ABRAXAS2: variants seen among roughly 807,000 people sequenced by gnomAD.
ABRAXAS2 encodes BRISC complex subunit Abraxas 2.
A neutral mutation model predicts 49.0 loss-of-function variants in ABRAXAS2; 23 were observed. The ratio of observed to expected loss-of-function variants is 0.47; its 90% CI spans 0.34 to 0.66. The LOEUF is 0.66. ABRAXAS2 is among the 30% of genes least tolerant of loss of function. The pLI is 0.01. For synonymous variants in ABRAXAS2, 168 were observed against 180.2 expected, an observed-to-expected ratio of 0.93 and a Z score of 0.54; for missense variants, 443 against 511.9, an observed-to-expected ratio of 0.87 and a Z score of 1.30.
chr10:124,831,328 C>A, intron 7 of ABRAXAS2, 21 bp from the exon 8 acceptor site: 1 of 1,473,778 alleles, frequency 6.8e-7, no homozygotes, highest in South Asian at 1.1e-5. Flanking sequence ...AAGCTAACCT[C>A]GTTGTCATTT....
intron 2 of ABRAXAS2, among the ~76,000 whole-genome samples, chr10:124,811,015 C>T (rs532846189): frequency 3.4e-5 from 5 of 147,216 alleles, no homozygotes; most frequent in Non-Finnish European, 6.1e-5. Flanking sequence ...GTCAGGAGAT[C>T]GAGACCATCC....
At chr10:124,829,364 G>C in intron 6 of ABRAXAS2, 29 bp from the exon 7 acceptor site, 2 of 1,473,556 alleles carry the variant, frequency 1.4e-6, no homozygotes, top group South Asian at 1.2e-5. Flanking sequence ...TGATAACCTT[G>C]AGGCATCTTT....
chr10:124,822,605 T>C (rs1950868545), intron 4 of ABRAXAS2, among the ~76,000 whole-genome samples: 1 of 152,240 alleles, frequency 6.6e-6, no homozygotes, highest in South Asian at 2.1e-4. Flanking sequence ...CCTGCCTGGC[T>C]GACATGGCAA....
chr10:124,828,428 A>T (rs1384886842), intron 5 of ABRAXAS2, among the ~76,000 whole-genome samples: 1 of 152,076 alleles, frequency 6.6e-6, no homozygotes, highest in East Asian at 1.9e-4. Context: ...GCAGTGGCAC[A>T]ATCTTGGCTC....
At chr10:124,804,963 C>G (rs941417740) in intron 1 of ABRAXAS2, among the ~76,000 whole-genome samples, 4 of 151,974 alleles carry the variant, frequency 2.6e-5, no homozygotes, top group Non-Finnish European at 5.9e-5. Context: ...GTCCACCCAC[C>G]TTGGCCTCCC....
chr10:124,828,519 C>T (rs138793794), intron 5 of ABRAXAS2, among the ~76,000 whole-genome samples: 5,203 of 152,136 alleles, frequency 0.034, 130 homozygotes, highest in Non-Finnish European at 0.046. Context: ...TGTGCACCAC[C>T]ATGCCCGGCT....
intron 2 of ABRAXAS2, among the ~76,000 whole-genome samples, chr10:124,807,345 G>A (rs1312042498): frequency 2.2e-5 from 3 of 134,222 alleles, no homozygotes; most frequent in African/African-American, 8.3e-5. Flanking sequence ...AGAATTCAAA[G>A]AGTATGTAGA....
intron 4 of ABRAXAS2, among the ~76,000 whole-genome samples, chr10:124,820,545 G>A (rs900835867): frequency 4.6e-5 from 7 of 151,936 alleles, no homozygotes; most frequent in African/African-American, 1.5e-4. Context: ...GCAGTGGCGC[G>A]ATCTCGGCTC....
In ABRAXAS2 at chr10:124,801,886, C is replaced by G. The variant is rs780489848; in HGVS notation, c.57C>G (p.Asn19Lys). 3 of 1,613,054 alleles carry G rather than the reference C, an allele frequency of 1.9e-6. No homozygotes were observed. Among genetic ancestry groups the G allele is most frequent in the Non-Finnish European group, 2.5e-6 (3 of 1,179,728 alleles). The change falls in exon 1 of 9, where the codon AAC becomes AAG. Residue 19 changes from asparagine (N) to lysine (K), a missense_variant. Transcript: ENST00000298492. Reference sequence around the variant, plus strand: ...GTGCTGTGTGTTTCCACAGCGCCAACAGCAACGCGGACCACGTAGGTGCCG... The same window carrying G: ...GTGCTGTGTGTTTCCACAGCGCCAAGAGCAACGCGGACCACGTAGGTGCCG... ...TFSAVCFHSANSNADHEGFLL... is the reference protein window; with the variant it reads ...TFSAVCFHSAKSNADHEGFLL...
chr10:124,808,697 A>G (rs1189680582), intron 2 of ABRAXAS2, among the ~76,000 whole-genome samples: 1 of 152,232 alleles, frequency 6.6e-6, no homozygotes, highest in Non-Finnish European at 1.5e-5. Flanking sequence ...ATCAGTAAAG[A>G]TGTGTGTCAG....
At chr10:124,808,806 A>C (rs1044760682) in intron 2 of ABRAXAS2, among the ~76,000 whole-genome samples, 1 of 152,136 alleles carries the variant, frequency 6.6e-6, no homozygotes, top group Non-Finnish European at 1.5e-5. Flanking sequence ...AAAATACAGA[A>C]TATGTGGAGA....
intron 2 of ABRAXAS2, among the ~76,000 whole-genome samples, chr10:124,814,718 T>C (rs939347592): frequency 2.0e-5 from 3 of 150,902 alleles, no homozygotes. Flanking sequence ...GACATGATCT[T>C]GGCTCACTGC....
chr10:124,829,203 A>G (rs1404431280), intron 6 of ABRAXAS2, among the ~76,000 whole-genome samples, 190 bp from the exon 7 acceptor site: 1 of 152,234 alleles, frequency 6.6e-6, no homozygotes, highest in African/African-American at 2.4e-5. Context: ...TATTTTTTAA[A>G]TGATCTTGGT....
chr10:124,819,557 T>C (rs1281270912), intron 4 of ABRAXAS2, 107 bp downstream of exon 4: 1 of 1,082,564 alleles, frequency 9.2e-7, no homozygotes, highest in Admixed American at 2.2e-5. Flanking sequence ...CATGTTAATA[T>C]GTAAAAGTTT....
Position 124,831,841 on chromosome 10 carries a change from TC to T in ABRAXAS2, c.778+379del, listed in dbSNP as rs1396972952. Among the ~76,000 whole-genome samples the T allele has an allele frequency of 2.1e-3, 169 of 81,852 alleles. 13 individuals are homozygous for T. Among genetic ancestry groups the T allele is most frequent in the East Asian group, 8.0e-3 (19 of 2,388 alleles). 53.7% of individuals were successfully genotyped at this position (81,852 alleles called of 152,430 possible). On this transcript the variant is annotated intron_variant, in intron 8 of 8. Coordinates refer to ENST00000298492, the MANE Select transcript of ABRAXAS2 (RefSeq NM_032182.4). ...TCCAGCAGGTAGGCACTGTGTCCTG[TC>T]TTTTTTTTTTTTTTTTTTTTTTTTT...
At chr10:124,827,600 A>G (rs1950904990) in intron 5 of ABRAXAS2, among the ~76,000 whole-genome samples, 2 of 152,134 alleles carry the variant, frequency 1.3e-5, no homozygotes, top group Non-Finnish European at 2.9e-5. Flanking sequence ...GGAAATCATC[A>G]TTTGCTTCTC....
chr10:124,819,972 G>T (rs183686091), intron 4 of ABRAXAS2, among the ~76,000 whole-genome samples: 151 of 152,186 alleles, frequency 9.9e-4, no homozygotes, highest in African/African-American at 3.4e-3. Context: ...GTAATTTACC[G>T]TGTTATACTA....
intron 2 of ABRAXAS2, among the ~76,000 whole-genome samples, chr10:124,815,858 G>A (rs1313387755): frequency 6.7e-6 from 1 of 148,212 alleles, no homozygotes; most frequent in African/African-American, 2.5e-5. Context: ...GGTGAGGGTG[G>A]TTAAGGCCCT....
At chr10:124,805,675 A>G (rs75714902) in intron 1 of ABRAXAS2, among the ~76,000 whole-genome samples, 16,376 of 152,168 alleles carry the variant, frequency 0.11, 1,558 homozygotes, top group African/African-American at 0.26. Flanking sequence ...CAAGAAGAAA[A>G]AGAATGTAAG....
Sources: allele counts gnomAD v4.1 joint callset (sites outside exome capture counted in the v4.1 genomes callset), GRCh38; gene constraint gnomAD v4.1.1; transcripts MANE v1.5; gene names NCBI Gene and HGNC (gene_info 2026-07-23, HGNC 2026-07-21).